The following SPATA22 variants were observed in gnomAD, a reference collection of about 807,000 sequenced individuals.
SPATA22 encodes the protein spermatogenesis-associated protein 22.
SPATA22 carries 29 observed loss-of-function variants against 47.8 expected under a neutral mutation model. The ratio of observed to expected loss-of-function variants is 0.61; its 90% CI spans 0.45 to 0.83. The LOEUF (loss-of-function observed/expected upper bound fraction) is 0.83. Among genes scored for constraint, SPATA22 ranks in the 40% least tolerant of loss-of-function variants. The pLI, the probability that SPATA22 is intolerant of heterozygous loss-of-function variation, is 0.00. For missense variants in SPATA22, 410 were observed against 421.7 expected, an observed-to-expected ratio of 0.97 and a Z score of 0.24; for synonymous variants, 133 against 140.9, an observed-to-expected ratio of 0.94 and a Z score of 0.40.
intron 1 of SPATA22, among the ~76,000 whole-genome samples, chr17:3,510,251 T>G (rs574250686): frequency 6.6e-6 from 1 of 152,284 alleles, no homozygotes; most frequent in East Asian, 1.9e-4. Context: ...TGAGTCTCCT[T>G]TTATTGAAAC....
chr17:3,489,473 C>A (rs2073785403), intron 1 of SPATA22: 2 of 716,292 alleles, frequency 2.8e-6, no homozygotes, highest in Admixed American at 2.3e-5. Context: ...TTCAGCTATT[C>A]CCCAATGGCC....
chr17:3,485,982 G>A lies in SPATA22; in HGVS notation c.-73-16584C>T, dbSNP rs540075745. 1.3e-4 allele frequency among the ~76,000 whole-genome samples: 20 copies of A among 149,776 alleles called. No individual in the cohort carries two copies. Among genetic ancestry groups the A allele is most frequent in the Non-Finnish European group, 2.7e-4 (18 of 67,814 alleles). On this transcript the variant is annotated intron_variant, in intron 1 of 8. Coordinates refer to the SPATA22 transcript ENST00000541913. The surrounding 1 kb of genome is among the most constrained non-coding windows in gnomAD (Gnocchi z 4.4). The stretch of plus-strand genomic sequence containing the variant: ...AGTTTCGCTCTTGTTGCCAAGGCTG[G>A]AGTACAGTGGCACAATCTCGGCTCA...
At position 3,440,270 on chromosome 17, in the gene SPATA22, C is replaced by A; in HGVS notation, c.969G>T (p.Lys323Asn). ...HRCVGNYDQK[K>N]NIFQCVSVRP... ...TGACAGAAACACATTGGAAAATGTT[C>A]TTTTTCTGGTCATAGTTGCCAACAC... The change falls in exon 9 of 9, where the codon AAG (lysine) becomes AAT (asparagine). Residue 323 changes from lysine to asparagine, a missense_variant. Lys to Asn is a moderately conservative substitution (Grantham distance 94). Coordinates refer to ENST00000572969, the MANE Select transcript of SPATA22 (RefSeq NM_001170698.2). The A allele has an allele frequency of 6.2e-7, 1 of 1,610,466 alleles. No individual in the cohort carries two copies. The highest frequency in any genetic ancestry group is 8.5e-7 in the Non-Finnish European group (1 of 1,177,952).
At chr17:3,505,782 GAGTCT>G (rs2074036061) in intron 1 of SPATA22, among the ~76,000 whole-genome samples, 1 of 146,724 alleles carries the variant, frequency 6.8e-6, no homozygotes, top group Non-Finnish European at 1.5e-5. Context: ...TTTTGAGACG[GAGTCT>G]CACTCTGTCA....
Position 3,491,877 on chromosome 17 carries a change from C to CTTTTT in SPATA22, c.-74+21530_-74+21534dup, listed in dbSNP as rs540965896. Reference sequence around the variant, plus strand: ...GACAGAAATTTTTTTCTTTTGTTTTCTTTTTTTTTTTTTTTTTTGAGACAG... The same window carrying CTTTTT: ...GACAGAAATTTTTTTCTTTTGTTTTCTTTTTTTTTTTTTTTTTTTTTTTGAGACAG... On this transcript the variant is annotated intron_variant, in intron 1 of 8. Coordinates refer to the SPATA22 transcript ENST00000541913. 4.1e-4 allele frequency among the ~76,000 whole-genome samples: 50 copies of CTTTTT among 123,040 alleles called. 1 individual carries two copies. The highest frequency in any genetic ancestry group is 7.3e-4 in the Non-Finnish European group (45 of 61,536). 80.7% of individuals were successfully genotyped at this position (123,040 alleles called of 152,430 possible). A position where few individuals can be genotyped will look rare whatever the true frequency, so the allele number is the denominator to read the frequency against.
chr17:3,455,276 C>T (rs989194807), intron 5 of SPATA22, among the ~76,000 whole-genome samples: 2 of 152,000 alleles, frequency 1.3e-5, no homozygotes, highest in Non-Finnish European at 2.9e-5. Context: ...GTTTCTTTTG[C>T]TGTGCAGAAG....
chr17:3,454,185 A>G (rs2072928835), intron 5 of SPATA22, among the ~76,000 whole-genome samples: 1 of 151,426 alleles, frequency 6.6e-6, no homozygotes. Context: ...AGGTCTATAC[A>G]CTAAAAAATA....
intron 1 of SPATA22, chr17:3,511,675 A>T (rs565148251): frequency 6.6e-6 from 1 of 152,356 alleles, no homozygotes; most frequent in Non-Finnish European, 1.5e-5. Flanking sequence ...GATCACCAAA[A>T]CATGTGAGAT....
At chr17:3,463,389 A>T (rs1376791106) in intron 3 of SPATA22, among the ~76,000 whole-genome samples, 1 of 152,244 alleles carries the variant, frequency 6.6e-6, no homozygotes, top group African/African-American at 2.4e-5. Context: ...AACTTGTGCA[A>T]CATGTTACTG....
intron 5 of SPATA22, among the ~76,000 whole-genome samples, chr17:3,454,242 A>C (rs762485445): frequency 2.9e-4 from 44 of 150,832 alleles, no homozygotes; most frequent in Non-Finnish European, 3.8e-4. Context: ...TAAATGAAAA[A>C]TCCTGTGTCA....
intron 1 of SPATA22, among the ~76,000 whole-genome samples, chr17:3,471,019 G>T (rs780669247): frequency 2.6e-5 from 4 of 152,006 alleles, no homozygotes; most frequent in Non-Finnish European, 5.9e-5. Flanking sequence ...GCCGGGCATG[G>T]TGGTGCGTGC....
upstream of SPATA22, chr17:3,476,240 A>G (rs1750629877): frequency 6.2e-7 from 1 of 1,614,176 alleles, no homozygotes; most frequent in Non-Finnish European, 8.5e-7. Flanking sequence ...AGCTAACCGG[A>G]GTATTTCTGG....
At chr17:3,464,171 C>T (rs1467807771) in intron 3 of SPATA22, among the ~76,000 whole-genome samples, 16 of 151,754 alleles carry the variant, frequency 1.1e-4, no homozygotes, top group African/African-American at 3.4e-4. Context: ...TTGGTGGAGA[C>T]GGGTTTCGCT....
At chr17:3,510,222 G>A (rs185565428) in intron 1 of SPATA22, among the ~76,000 whole-genome samples, 1 of 152,278 alleles carries the variant, frequency 6.6e-6, no homozygotes, top group East Asian at 1.9e-4. Flanking sequence ...GAATCCCTGG[G>A]CACATCACTT....
chr17:3,454,838 T>C (rs2072948410), intron 5 of SPATA22, among the ~76,000 whole-genome samples: 1 of 152,224 alleles, frequency 6.6e-6, no homozygotes, highest in East Asian at 1.9e-4. Context: ...CTGGGTCAAA[T>C]GGTACTTCCA....
At position 3,448,870 on chromosome 17, in the gene SPATA22, A is replaced by G; in HGVS notation, c.609T>C (p.Asn203=). Residue 203 remains asparagine, a synonymous_variant, in exon 6 of 9, where the codon AAT becomes AAC. Transcript: ENST00000572969. Reference sequence around the variant, plus strand: ...GTTTCTTATATTGATTTTGTTGAAAATTGGGCTTAAGTGTCTGTAGTGCAC... The same window carrying G: ...GTTTCTTATATTGATTTTGTTGAAAGTTGGGCTTAAGTGTCTGTAGTGCAC... The part of the protein sequence containing the change: ...KNSALQTLKP[N]FQQNQYKKQM... The G allele has an allele frequency of 6.2e-7, 1 of 1,613,188 alleles. No homozygotes were observed. Among genetic ancestry groups the G allele is most frequent in the South Asian group, 1.1e-5 (1 of 90,694 alleles).
At position 3,477,280 on chromosome 17, in the gene SPATA22, C is replaced by G. The variant is rs75502128; in HGVS notation, c.-73-7882G>C. On this transcript the variant is annotated intron_variant, in intron 1 of 8. Coordinates refer to the SPATA22 transcript ENST00000541913. ...TACCAGAGATGAGAACTAAAGACAC[C>G]ATCTGAATTTTCAGAGCTTATATTT... Among the ~76,000 whole-genome samples the G allele has an allele frequency of 7.2e-5, 11 of 152,220 alleles. No homozygotes were observed. In the South Asian group the frequency reaches 1.5e-3, roughly 20 times the overall value.
intron 3 of SPATA22, among the ~76,000 whole-genome samples, chr17:3,464,900 A>C: frequency 1.2e-5 from 1 of 85,404 alleles, no homozygotes; most frequent in African/African-American, 3.6e-5. Flanking sequence ...GGGGGGGGTC[A>C]GCCCCCCACC....
intron 5 of SPATA22, 71 bp downstream of exon 5, chr17:3,462,412 A>G (rs2073142848): frequency 2.0e-6 from 2 of 1,020,910 alleles, no homozygotes; most frequent in South Asian, 3.3e-5. Context: ...GTGAAGGAGG[A>G]GGGAAGAATG....
Sources: gnomAD v4.1 joint callset for allele counts (sites outside exome capture counted in the v4.1 genomes callset) on GRCh38, gnomAD v4.1.1 for gene constraint, Gnocchi (gnomAD v3.1) non-coding constraint, MANE v1.5 for transcripts, NCBI Gene and HGNC (gene_info 2026-07-23, HGNC 2026-07-21) for gene names.